Variants in XYLT1 observed in about 807,000 individuals in gnomAD.
XYLT1 encodes beta-D-xylosyltransferase 1.
In XYLT1, 36 loss-of-function variants were observed where a neutral mutation model predicts 91.3. That is an observed-to-expected ratio of 0.39 (90% CI 0.30 to 0.52). The LOEUF is 0.52. Among genes scored for constraint, XYLT1 ranks in the 20% least tolerant of loss-of-function variants. The pLI, the probability that XYLT1 is intolerant of heterozygous loss-of-function variation, is 0.68. For missense variants in XYLT1, 1,242 were observed against 1,284.5 expected (o/e 0.97, Z 0.51); for synonymous variants, 588 against 532.0 (o/e 1.11, Z -1.45).
chr16:17,453,397 A>G (rs1483931975), intron 1 of XYLT1, among the ~76,000 whole-genome samples: 1 of 152,218 alleles, frequency 6.6e-6, no homozygotes, highest in Non-Finnish European at 1.5e-5. Context: ...TTTTTCAGCC[A>G]GCACCAAGCA....
chr16:17,295,529 T>C (rs1017364027), intron 2 of XYLT1, among the ~76,000 whole-genome samples: 4 of 152,084 alleles, frequency 2.6e-5, no homozygotes, highest in Non-Finnish European at 5.9e-5. Flanking sequence ...ACAATTTTTG[T>C]ATTTTTAGTA....
intron 1 of XYLT1, among the ~76,000 whole-genome samples, chr16:17,409,740 G>C (rs2036083988): frequency 6.6e-6 from 1 of 151,746 alleles, no homozygotes; most frequent in Non-Finnish European, 1.5e-5. Context: ...AGTAGAGATG[G>C]GGTTTCACCA....
chr16:17,389,653 TA>T (rs2035790831), intron 1 of XYLT1, among the ~76,000 whole-genome samples: 1 of 152,180 alleles, frequency 6.6e-6, no homozygotes, highest in African/African-American at 2.4e-5. Context: ...GTCTTCAGCC[TA>T]AAACACATCC....
At chr16:17,417,688 C>T (rs919238775) in intron 1 of XYLT1, among the ~76,000 whole-genome samples, 1 of 152,200 alleles carries the variant, frequency 6.6e-6, no homozygotes, top group Non-Finnish European at 1.5e-5. Context: ...CTTTGACATG[C>T]CTTTATCGAA....
chr16:17,417,675 A>G (rs1385850542), intron 1 of XYLT1, among the ~76,000 whole-genome samples: 1 of 152,180 alleles, frequency 6.6e-6, no homozygotes, highest in African/African-American at 2.4e-5. Context: ...ATGGCTTCAA[A>G]TTCTTTGACA....
At chr16:17,428,029 C>T (rs544608035) in intron 1 of XYLT1, among the ~76,000 whole-genome samples, 38 of 152,210 alleles carry the variant, frequency 2.5e-4, no homozygotes, top group African/African-American at 7.9e-4. Flanking sequence ...CTCACTCTGT[C>T]GCCCAGGCTG....
At chr16:17,352,560 C>T (rs1248196275) in intron 2 of XYLT1, among the ~76,000 whole-genome samples, 1 of 152,192 alleles carries the variant, frequency 6.6e-6, no homozygotes, top group Non-Finnish European at 1.5e-5. Flanking sequence ...AAATTCAGAA[C>T]TCTGTCATTG....
chr16:17,141,169 G>A lies in XYLT1; in HGVS notation c.1571C>T (p.Thr524Ile). ...GATACTCACCTCAGCAGGAAGCAGG[G>A]TGTAGGAGTAGAACTGTTTCATCTT... ...VTKMKQFYSY[T>I]LLPAESFFHT... The change falls in exon 7 of 12, where the codon ACC becomes ATC. Residue 524 changes from threonine (T) to isoleucine (I), a missense_variant. Coordinates refer to ENST00000261381, the MANE Select transcript of XYLT1 (RefSeq NM_022166.4). 1 of 1,614,214 alleles carries A rather than the reference G, an allele frequency of 6.2e-7. No individual in the cohort carries two copies. Among genetic ancestry groups the A allele is most frequent in the South Asian group, 1.1e-5 (1 of 91,086 alleles).
intron 1 of XYLT1, among the ~76,000 whole-genome samples, chr16:17,416,736 G>A (rs1486455276): frequency 1.3e-5 from 2 of 152,192 alleles, no homozygotes; most frequent in Non-Finnish European, 2.9e-5. Flanking sequence ...AATTCTCAGC[G>A]GCTGCCTCCA....
intron 11 of XYLT1, among the ~76,000 whole-genome samples, chr16:17,115,136 C>A (rs1462222716): frequency 6.6e-6 from 1 of 151,862 alleles, no homozygotes; most frequent in Non-Finnish European, 1.5e-5. Flanking sequence ...GACCACCGCA[C>A]CCGGCTGGGC....
chr16:17,240,250 G>T (rs2033325310), intron 3 of XYLT1, among the ~76,000 whole-genome samples: 1 of 152,184 alleles, frequency 6.6e-6, no homozygotes, highest in Non-Finnish European at 1.5e-5. Flanking sequence ...TCTAGGGGAT[G>T]CAGGAACAGG....
At chr16:17,223,750 CA>C (rs2049337980) in intron 3 of XYLT1, among the ~76,000 whole-genome samples, 1 of 152,222 alleles carries the variant, frequency 6.6e-6, no homozygotes, top group African/African-American at 2.4e-5. Flanking sequence ...AGACATTATA[CA>C]CTGGTGGCTG....
chr16:17,409,584 C>T (rs2036081479), intron 1 of XYLT1, among the ~76,000 whole-genome samples: 1 of 135,412 alleles, frequency 7.4e-6, no homozygotes, highest in Non-Finnish European at 1.5e-5. Flanking sequence ...GAGTCTCACT[C>T]TGTTGCCAAG....
At chr16:17,111,663 A>T (rs1966841094) in intron 11 of XYLT1, among the ~76,000 whole-genome samples, 1 of 152,206 alleles carries the variant, frequency 6.6e-6, no homozygotes, top group Admixed American at 6.5e-5. Context: ...TAGTAGATGA[A>T]TTCAAAATTT....
At chr16:17,136,947 G>C (rs771962948) in intron 8 of XYLT1, among the ~76,000 whole-genome samples, 3 of 152,076 alleles carry the variant, frequency 2.0e-5, no homozygotes, top group Non-Finnish European at 2.9e-5. Context: ...GATTCTCTGC[G>C]ATTAGGGCAG....
intron 2 of XYLT1, among the ~76,000 whole-genome samples, chr16:17,347,183 G>A (rs2035155845): frequency 6.6e-6 from 1 of 152,170 alleles, no homozygotes; most frequent in African/African-American, 2.4e-5. Context: ...TTTCCTGGAG[G>A]TGTGACCGAG....
chr16:17,444,889 A>G (rs1379162376), intron 1 of XYLT1, among the ~76,000 whole-genome samples: 9 of 152,158 alleles, frequency 5.9e-5, no homozygotes, highest in Non-Finnish European at 1.3e-4. Context: ...GCACTTTCAA[A>G]TGTTCATTGA....
At chr16:17,262,782 G>A (rs2033742354) in intron 2 of XYLT1, among the ~76,000 whole-genome samples, 6 of 152,134 alleles carry the variant, frequency 3.9e-5, no homozygotes. Flanking sequence ...CCAACCCTCA[G>A]TGTGCAGAAA....
intron 2 of XYLT1, among the ~76,000 whole-genome samples, chr16:17,352,912 G>T (rs1266010168): frequency 6.6e-6 from 1 of 152,150 alleles, no homozygotes; most frequent in Non-Finnish European, 1.5e-5. Flanking sequence ...GCCCAATAGT[G>T]ATTTACGGAA....
Sources: gnomAD v4.1 joint callset for allele counts (sites outside exome capture counted in the v4.1 genomes callset) on GRCh38, gnomAD v4.1.1 for gene constraint, MANE v1.5 for transcripts, NCBI Gene and HGNC (gene_info 2026-07-23, HGNC 2026-07-21) for gene names.